Variants in PRKCZ observed in about 807,000 individuals in gnomAD.
The protein encoded by PRKCZ is protein kinase C zeta.
A neutral mutation model predicts 79.5 loss-of-function variants in PRKCZ; 33 were observed. The observed-to-expected ratio is 0.41, with a 90% CI of 0.31 to 0.55. PRKCZ has a LOEUF of 0.55. Ranked by LOEUF, PRKCZ falls within the 20% of genes least tolerant of loss-of-function variation. The pLI is 0.19. For missense variants in PRKCZ, 578 were observed against 813.5 expected (o/e 0.71, Z 3.52); for synonymous variants, 342 against 320.9 (o/e 1.07, Z -0.70).
At chr1:2,048,847 G>T (rs1245944130), upstream of PRKCZ, among the ~76,000 whole-genome samples, 2 of 152,156 alleles carry the variant, frequency 1.3e-5, no homozygotes, top group Non-Finnish European at 2.9e-5. Context: ...TCCCAGGAGG[G>T]GTCTGATACC....
intron 4 of PRKCZ, chr1:2,071,633 A>C: frequency 4.9e-6 from 1 of 202,178 alleles, no homozygotes; most frequent in Non-Finnish European, 1.0e-5. Context: ...CTGAGCCTGA[A>C]TATCCTAGAG....
rs564932542 is a variant in PRKCZ at position 2,139,558 on chromosome 1, C to T, written c.420+4211C>T. 6.6e-5 allele frequency among the ~76,000 whole-genome samples: 10 copies of T among 152,222 alleles called. No homozygotes were observed. The East Asian group carries it at 1.7e-3, about 26-fold the overall frequency. ...GAGCCGAGATGGCACCACTGCACTC[C>T]AGCCTGGGCGACAGAGCAGGACTCT... On this transcript the variant is annotated intron_variant, in intron 5 of 17. Transcript: ENST00000378567.
chr1:2,184,544 C>T (rs190090688), intron 16 of PRKCZ, 39 bp from the exon 17 acceptor site: 27 of 1,508,722 alleles, frequency 1.8e-5, no homozygotes, highest in Non-Finnish European at 2.1e-5. Flanking sequence ...AGGGATGATG[C>T]CCGCGCGGAG....
At chr1:2,182,113 C>T in intron 16 of PRKCZ, 1 of 290,444 alleles carries the variant, frequency 3.4e-6, no homozygotes, top group Non-Finnish European at 7.0e-6. Context: ...TAGTAGATGC[C>T]ATGTTAGTAG....
At position 2,178,378 on chromosome 1, in the gene PRKCZ, G is replaced by A. The variant is rs1369582795; in HGVS notation, c.1575+3065G>A. 1.3e-5 allele frequency among the ~76,000 whole-genome samples: 2 copies of A among 152,300 alleles called. No individual in the cohort carries two copies. The highest frequency in any genetic ancestry group is 2.4e-5 in the African/African-American group (1 of 41,562). The stretch of plus-strand genomic sequence containing the variant: ...GCACGTGGCACTGCCTCCTTCCTGC[G>A]CTGAACCCCACCCACTGCGTCCACT... On this transcript the variant is annotated intron_variant, in intron 16 of 17. Transcript: ENST00000378567. This position sits in a 1 kb window ranked among gnomAD's most constrained non-coding sequence, Gnocchi z 4.3.
At position 2,177,430 on chromosome 1, in the gene PRKCZ, C is replaced by T. The variant is rs1052256939; in HGVS notation, c.1575+2117C>T. 3.3e-5 allele frequency among the ~76,000 whole-genome samples: 5 copies of T among 152,188 alleles called. No homozygotes were observed. The highest frequency in any genetic ancestry group is 9.7e-5 in the African/African-American group (4 of 41,440). On this transcript the variant is annotated intron_variant, in intron 16 of 17. Coordinates refer to ENST00000378567, the MANE Select transcript of PRKCZ (RefSeq NM_002744.6). This position sits in a 1 kb window ranked among gnomAD's most constrained non-coding sequence, Gnocchi z 6.4. ...AGCACCATGGGATCCAGGGAGAGCC[C>T]GATCCTGGGTGCAGCCTTGGTGCCA... is the stretch of plus-strand genomic sequence containing the variant.
rs963157895 is a variant in PRKCZ, at chr1:2,128,295, G to T, written c.335-6967G>T. ...TGTGGCACTGCTTTGGGCTGTGCTG[G>T]TCACCCTGTGTAGCGGGGCCATGTC... is the stretch of plus-strand genomic sequence containing the variant. On this transcript the variant is annotated intron_variant, in intron 4 of 17. Transcript: ENST00000378567. This position sits in a 1 kb window ranked among gnomAD's most constrained non-coding sequence, Gnocchi z 6.5. 5.9e-5 allele frequency among the ~76,000 whole-genome samples: 9 copies of T among 152,210 alleles called. No individual in the cohort carries two copies. Among genetic ancestry groups the T allele is most frequent in the Admixed American group, 5.9e-4 (9 of 15,292 alleles).
intron 1 of PRKCZ, among the ~76,000 whole-genome samples, chr1:2,053,466 A>T (rs1158527178): frequency 1.3e-5 from 2 of 152,162 alleles, no homozygotes; most frequent in Non-Finnish European, 2.9e-5. Flanking sequence ...GCTGAGGCCA[A>T]CAGAGACGCA....
At chr1:2,147,150 C>A (rs1678732358) in intron 7 of PRKCZ, among the ~76,000 whole-genome samples, 1 of 152,080 alleles carries the variant, frequency 6.6e-6, no homozygotes, top group East Asian at 1.9e-4. Flanking sequence ...CCACTGACCT[C>A]TCCGTCTATC....
intron 2 of PRKCZ, 41 bp from the exon 3 acceptor site, chr1:2,056,443 G>A (rs767820631): frequency 5.7e-6 from 9 of 1,576,444 alleles, no homozygotes; most frequent in East Asian, 4.5e-5. Flanking sequence ...CCTTTGCCTC[G>A]GGCCTTCGGC....
chr1:2,184,576 T>C lies in PRKCZ; in HGVS notation c.1576-7T>C. The C allele has an allele frequency of 1.2e-6, 2 of 1,612,636 alleles. No homozygotes were observed. The highest frequency in any genetic ancestry group is 2.2e-5 in the East Asian group (1 of 44,862). ...GGAGCTGACCCTTCTCCTATTGTTT[T>C]TCCAAGCTGGAGAAGAAGCAGGCGC... On this transcript the variant is annotated splice_region_variant and splice_polypyrimidine_tract_variant and intron_variant, in intron 16 of 17. Transcript: ENST00000378567.
rs1204984475 is a variant in PRKCZ at position 2,174,132 on chromosome 1, G to A, written c.1405+116G>A. On this transcript the variant is annotated intron_variant, in intron 14 of 17. Transcript: ENST00000378567. This position sits in a 1 kb window ranked among gnomAD's most constrained non-coding sequence, Gnocchi z 6.2. ...CTGGAGCGGCAGTGCCATGCAAAGCGTACCGGGAACCATTCCTCCTGGCCA... is the reference window on the plus strand; with the variant it reads ...CTGGAGCGGCAGTGCCATGCAAAGCATACCGGGAACCATTCCTCCTGGCCA... 64 of 1,325,048 alleles carry A rather than the reference G, an allele frequency of 4.8e-5. No homozygotes were observed. Among genetic ancestry groups the A allele is most frequent in the Middle Eastern group, 1.9e-4 (1 of 5,168 alleles). The allele number at this position is 1,325,048 out of a possible 1,614,324, so 82.1% of individuals were successfully genotyped here.
chr1:2,133,753 CTCTT>C (rs1287478471), intron 4 of PRKCZ: 1 of 152,600 alleles, frequency 6.6e-6, no homozygotes, highest in African/African-American at 2.4e-5. Context: ...TCACACCCTT[CTCTT>C]TCTTTCTCTC....
chr1:2,093,260 G>C (rs1319643590), intron 4 of PRKCZ, among the ~76,000 whole-genome samples: 2 of 152,134 alleles, frequency 1.3e-5, no homozygotes, highest in Non-Finnish European at 2.9e-5. Context: ...TGTGGAGTGT[G>C]GGCCCGCTGG....
chr1:2,185,077 T>C lies in PRKCZ; in HGVS notation c.*68T>C. 1 of 1,429,154 alleles carries C rather than the reference T, an allele frequency of 7.0e-7. No homozygotes were observed. Among genetic ancestry groups the C allele is most frequent in the Non-Finnish European group, 9.7e-7 (1 of 1,034,628 alleles). 88.5% of individuals were successfully genotyped at this position (1,429,154 alleles called of 1,614,324 possible). A position where few individuals can be genotyped will look rare whatever the true frequency, so the allele number is the denominator to read the frequency against. Reference sequence around the variant, plus strand: ...TAACTGTATCCTTAACCACCGCATATGCATGCCAGGCTGGGCACGGCTCCG... The same window carrying C: ...TAACTGTATCCTTAACCACCGCATACGCATGCCAGGCTGGGCACGGCTCCG... On this transcript the variant is annotated 3_prime_UTR_variant, in exon 18 of 18. Coordinates refer to ENST00000378567, the MANE Select transcript of PRKCZ (RefSeq NM_002744.6).
rs58891869 is a variant in PRKCZ at position 2,117,925 on chromosome 1, C to G, written c.335-17337C>G. Among the ~76,000 whole-genome samples, 751 of 148,158 alleles carry G rather than the reference C, an allele frequency of 5.1e-3. 7 individuals carry two copies. Among genetic ancestry groups the G allele is most frequent in the African/African-American group, 0.018 (723 of 40,224 alleles). ...GATGAGTTCGCCTTTTTATATTTTGCTTGATTCAGTTTGCTATTATTTTGT... is the reference window on the plus strand; with the variant it reads ...GATGAGTTCGCCTTTTTATATTTTGGTTGATTCAGTTTGCTATTATTTTGT... On this transcript the variant is annotated intron_variant, in intron 4 of 17. Coordinates refer to ENST00000378567, the MANE Select transcript of PRKCZ (RefSeq NM_002744.6).
At chr1:2,117,183 C>G (rs948811504) in intron 4 of PRKCZ, among the ~76,000 whole-genome samples, 6 of 152,130 alleles carry the variant, frequency 3.9e-5, no homozygotes, top group African/African-American at 1.4e-4. Flanking sequence ...CTCCTGGGCT[C>G]AAGTGGTCCT....
At chr1:2,083,504 A>G (rs1332318583) in intron 4 of PRKCZ, among the ~76,000 whole-genome samples, 6 of 152,374 alleles carry the variant, frequency 3.9e-5, no homozygotes, top group African/African-American at 1.4e-4. Context: ...TCGGCTGTTA[A>G]CATTTTAATG....
At chr1:2,054,569 TTAA>T (rs1557468580) in intron 1 of PRKCZ, among the ~76,000 whole-genome samples, 1 of 150,834 alleles carries the variant, frequency 6.6e-6, no homozygotes, top group African/African-American at 2.5e-5. Context: ...TGACTCGGTT[TTAA>T]AAAAAAAAAA....
Sources: gnomAD v4.1 joint callset for allele counts (sites outside exome capture counted in the v4.1 genomes callset) on GRCh38, gnomAD v4.1.1 for gene constraint, Gnocchi (gnomAD v3.1) non-coding constraint, MANE v1.5 for transcripts, NCBI Gene and HGNC (gene_info 2026-07-23, HGNC 2026-07-21) for gene names.